JADE2: variants seen among roughly 807,000 people sequenced by gnomAD.
JADE2 encodes the protein jade family PHD finger 2, also known as E3 ubiquitin-protein ligase Jade-2.
JADE2 carries 13 observed loss-of-function variants against 85.7 expected under a neutral mutation model. The ratio of observed to expected loss-of-function variants is 0.15; its 90% CI spans 0.10 to 0.24. JADE2 has a LOEUF of 0.24. JADE2 is among the 10% of genes least tolerant of loss of function. JADE2 has a pLI of 1.00. For synonymous variants in JADE2, 440 were observed against 456.1 expected, an observed-to-expected ratio of 0.96 and a Z score of 0.45; for missense variants, 846 against 1,115.9, an observed-to-expected ratio of 0.76 and a Z score of 3.45.
At position 134,579,079 on chromosome 5, in the gene JADE2, G is replaced by T. The variant is rs371350576; in HGVS notation, c.2267G>T (p.Arg756Leu). The change falls in exon 12 of 12, where the codon CGC becomes CTC. Residue 756 changes from arginine to leucine, a missense_variant. Arg to Leu is a moderately radical substitution (Grantham distance 102). Transcript: ENST00000681547. This position sits in a 1 kb window ranked among gnomAD's most constrained non-coding sequence, Gnocchi z 4.6. ...CCTTTGGGCCGGCTCCGGCCACCCC[G>T]CGAGAGCAAGGTAACCCGGAGATTG... ...PKPLGRLRPP[R>L]ESKVTRRLPG... 21 of 1,613,916 alleles carry T rather than the reference G, an allele frequency of 1.3e-5. No homozygotes were observed. The highest frequency in any genetic ancestry group is 1.7e-5 in the Non-Finnish European group (20 of 1,179,978).
chr5:134,524,857 G>A (rs1187536318), upstream of JADE2, among the ~76,000 whole-genome samples: 1 of 152,212 alleles, frequency 6.6e-6, no homozygotes, highest in African/African-American at 2.4e-5. Context: ...CCCTCCCCAA[G>A]ACTCGCGTTC....
At position 134,581,035 on chromosome 5, in the gene JADE2, A is replaced by G. The variant is rs1764688211; in HGVS notation, c.*1718A>G. On this transcript the variant is annotated 3_prime_UTR_variant, in exon 12 of 12. Coordinates refer to ENST00000681547, the MANE Select transcript of JADE2 (RefSeq NM_001388185.1). Reference sequence around the variant, plus strand: ...AATAAGCAGGATGGGGAACAGCTTGACCTTCATCCACCCCTAACTCCAAAA... The same window carrying G: ...AATAAGCAGGATGGGGAACAGCTTGGCCTTCATCCACCCCTAACTCCAAAA... 1 of 152,566 alleles carries G rather than the reference A, an allele frequency of 6.6e-6. No individual in the cohort carries two copies. The highest frequency in any genetic ancestry group is 2.1e-4 in the South Asian group (1 of 4,836). The allele number at this position is 152,566 out of a possible 1,614,324, so 9.5% of individuals were successfully genotyped here.
rs776441481 is a variant in JADE2 at position 134,560,902 on chromosome 5, G to C, written c.629G>C (p.Gly210Ala). ...TGCGACGTGTGTCGCTCTCCTGAGGGCGAGGATGGCAACGAGATGGTCTTC... is the reference window on the plus strand; with the variant it reads ...TGCGACGTGTGTCGCTCTCCTGAGGCCGAGGATGGCAACGAGATGGTCTTC... ...VVCDVCRSPE[G>A]EDGNEMVFCD... Residue 210 changes from glycine to alanine, a missense_variant, in exon 6 of 12, where the codon GGC becomes GCC. Coordinates refer to ENST00000681547, the MANE Select transcript of JADE2 (RefSeq NM_001388185.1). The C allele has an allele frequency of 1.9e-6, 3 of 1,614,208 alleles. No homozygotes were observed. The East Asian group carries it at 6.7e-5, about 36-fold the overall frequency.
At chr5:134,543,921 C>G (rs1762134257) in intron 3 of JADE2, among the ~76,000 whole-genome samples, 1 of 152,194 alleles carries the variant, frequency 6.6e-6, no homozygotes, top group Non-Finnish European at 1.5e-5. Flanking sequence ...CATGTCCTTC[C>G]CACAGGGGCT....
At chr5:134,561,423 G>GT (rs1177584370) in intron 6 of JADE2, among the ~76,000 whole-genome samples, 1 of 152,218 alleles carries the variant, frequency 6.6e-6, no homozygotes, top group African/African-American at 2.4e-5. Context: ...GGATTAAATT[G>GT]TTTACTGTGG....
intron 4 of JADE2, among the ~76,000 whole-genome samples, chr5:134,552,579 A>G (rs911903312): frequency 6.6e-6 from 1 of 152,216 alleles, no homozygotes; most frequent in African/African-American, 2.4e-5. Flanking sequence ...ATGGAATGAA[A>G]TGACGCATGG....
chr5:134,583,124 A>T lies in JADE2; in HGVS notation c.*3807A>T, dbSNP rs1303679189. On this transcript the variant is annotated 3_prime_UTR_variant, in exon 12 of 12. Transcript: ENST00000681547. ...CAGCCCCATCCTGTCCTGCTCACTC[A>T]TGGGGGCTTCCAGACCCCGGCCCCA... 2 of 152,724 alleles carry T rather than the reference A, an allele frequency of 1.3e-5. No individual in the cohort carries two copies. Among genetic ancestry groups the T allele is most frequent in the Admixed American group, 6.5e-5 (1 of 15,286 alleles). The allele number at this position is 152,724 out of a possible 1,614,324, so 9.5% of individuals were successfully genotyped here.
At position 134,545,084 on chromosome 5, in the gene JADE2, C is replaced by G. The variant is rs193128448; in HGVS notation, c.154-6968C>G. On this transcript the variant is annotated intron_variant, in intron 3 of 11. Transcript: ENST00000681547. ...AATTTGATAGATAAAACAGGAGAATCCAAAAAAAGGTTTTGTGCTTGCCCT... is the reference window on the plus strand; with the variant it reads ...AATTTGATAGATAAAACAGGAGAATGCAAAAAAAGGTTTTGTGCTTGCCCT... Among the ~76,000 whole-genome samples the G allele has an allele frequency of 2.6e-5, 4 of 152,222 alleles. No homozygotes were observed. The East Asian group carries it at 5.8e-4, about 22-fold the overall frequency.
At position 134,581,412 on chromosome 5, in the gene JADE2, C is replaced by G. The variant is rs368847778; in HGVS notation, c.*2095C>G. ...CTGTGCCAGATTGCCCGGTCTGACC[C>G]TGCAGGAAGCAAAGAGGTGAGCTTA... On this transcript the variant is annotated 3_prime_UTR_variant, in exon 12 of 12. Transcript: ENST00000681547. The G allele has an allele frequency of 1.3e-5, 2 of 152,762 alleles. No individual in the cohort carries two copies. Among genetic ancestry groups the G allele is most frequent in the African/African-American group, 2.4e-5 (1 of 41,454 alleles). The allele number at this position is 152,762 out of a possible 1,614,324, so 9.5% of individuals were successfully genotyped here.
At chr5:134,549,878 G>C (rs1762504257) in intron 3 of JADE2, among the ~76,000 whole-genome samples, 1 of 152,190 alleles carries the variant, frequency 6.6e-6, no homozygotes, top group Non-Finnish European at 1.5e-5. Context: ...AGAACGTTGA[G>C]GTAGTTATGA....
intron 3 of JADE2, among the ~76,000 whole-genome samples, chr5:134,543,349 A>G (rs1762093256): frequency 6.6e-6 from 1 of 150,978 alleles, no homozygotes; most frequent in Non-Finnish European, 1.5e-5. Context: ...CTTTTTTAAC[A>G]AGACCTGCTA....
At chr5:134,532,189 T>A (rs1345375643) in intron 1 of JADE2, among the ~76,000 whole-genome samples, 2 of 152,094 alleles carry the variant, frequency 1.3e-5, no homozygotes, top group Middle Eastern at 3.4e-3. Flanking sequence ...CCCGACTGAT[T>A]TATGCTTTTT....
Position 134,580,398 on chromosome 5 carries a change from C to T in JADE2, c.*1081C>T, listed in dbSNP as rs1344593106. 6.7e-6 allele frequency: 1 copy of T among 150,300 alleles called. No homozygotes were observed. The allele number at this position is 150,300 out of a possible 1,614,324, so 9.3% of individuals were successfully genotyped here. A position where few individuals can be genotyped will look rare whatever the true frequency, so the allele number is the denominator to read the frequency against. ...AAGTCTTGCTGGATGTTCCCCTGTT[C>T]CTGAGCCTTAACCCCTCGCACAGCC... On this transcript the variant is annotated 3_prime_UTR_variant, in exon 12 of 12. Coordinates refer to ENST00000681547, the MANE Select transcript of JADE2 (RefSeq NM_001388185.1).
At chr5:134,537,188 C>G (rs771510548) in intron 2 of JADE2, among the ~76,000 whole-genome samples, 3 of 152,166 alleles carry the variant, frequency 2.0e-5, no homozygotes, top group Non-Finnish European at 4.4e-5. Flanking sequence ...TGCAAGGCTC[C>G]CCACCAGCCC....
At chr5:134,554,088 TG>T (rs1762769217) in intron 4 of JADE2, among the ~76,000 whole-genome samples, 1 of 152,124 alleles carries the variant, frequency 6.6e-6, no homozygotes, top group African/African-American at 2.4e-5. Flanking sequence ...AGACCAGGCC[TG>T]GGGCAAAGAT....
At chr5:134,567,976 C>G (rs1204832336) in intron 9 of JADE2, among the ~76,000 whole-genome samples, 1 of 152,316 alleles carries the variant, frequency 6.6e-6, no homozygotes, top group Non-Finnish European at 1.5e-5. Flanking sequence ...GGTGTAAGAC[C>G]TTCTGGGACC....
intron 8 of JADE2, among the ~76,000 whole-genome samples, chr5:134,565,749 C>T (rs1330282217): frequency 6.6e-6 from 1 of 151,266 alleles, no homozygotes; most frequent in Admixed American, 6.6e-5. Context: ...AGGAGAATCG[C>T]TTGAACCTGG....
intron 11 of JADE2, among the ~76,000 whole-genome samples, chr5:134,577,640 A>G (rs1457381981): frequency 6.6e-6 from 1 of 152,108 alleles, no homozygotes; most frequent in East Asian, 1.9e-4. Flanking sequence ...GCAGTGCACC[A>G]TGATCATGCC....
chr5:134,555,324 C>T (rs1762847029), intron 4 of JADE2, among the ~76,000 whole-genome samples: 1 of 152,204 alleles, frequency 6.6e-6, no homozygotes, highest in Admixed American at 6.5e-5. Flanking sequence ...TGTGTCTGGT[C>T]TTCTAGGGTA....
Sources: gnomAD v4.1 joint callset for allele counts (sites outside exome capture counted in the v4.1 genomes callset) on GRCh38, gnomAD v4.1.1 for gene constraint, Gnocchi (gnomAD v3.1) non-coding constraint, MANE v1.5 for transcripts, NCBI Gene and HGNC (gene_info 2026-07-23, HGNC 2026-07-21) for gene names.